N4BP1: variants seen among roughly 807,000 people sequenced by gnomAD.
The protein encoded by N4BP1 is NEDD4 binding protein 1.
N4BP1 carries 21 observed loss-of-function variants against 70.9 expected under a neutral mutation model. The observed-to-expected ratio is 0.30, with a 90% CI of 0.21 to 0.43. The LOEUF (loss-of-function observed/expected upper bound fraction) is 0.43. Ranked by LOEUF, N4BP1 falls within the 20% of genes least tolerant of loss-of-function variation. The probability of loss-of-function intolerance (pLI) is 1.00; values close to 1 mark genes in which losing one functional copy is unlikely to be tolerated. For synonymous variants in N4BP1, 387 were observed against 394.6 expected (o/e 0.98, Z 0.23); for missense variants, 936 against 1,069.4 (o/e 0.88, Z 1.74).
chr16:48,543,808 TG>T (rs1302115109), intron 6 of N4BP1, among the ~76,000 whole-genome samples: 4 of 152,170 alleles, frequency 2.6e-5, no homozygotes, highest in Admixed American at 2.6e-4. Flanking sequence ...GGACTCGGCC[TG>T]CAGGCGAGAA....
intron 1 of N4BP1, among the ~76,000 whole-genome samples, chr16:48,604,469 G>C (rs1188869886): frequency 6.6e-6 from 1 of 151,918 alleles, no homozygotes; most frequent in Non-Finnish European, 1.5e-5. Flanking sequence ...GATCGCTTGA[G>C]CCTGGGAGGC....
At chr16:48,607,124 T>C (rs559122890) in intron 1 of N4BP1, among the ~76,000 whole-genome samples, 1 of 152,168 alleles carries the variant, frequency 6.6e-6, no homozygotes, top group East Asian at 1.9e-4. Context: ...GAGTAATACA[T>C]ATCACAAAGA....
chr16:48,595,324 A>G (rs1322225835), intron 1 of N4BP1, among the ~76,000 whole-genome samples: 1 of 151,858 alleles, frequency 6.6e-6, no homozygotes, highest in Non-Finnish European at 1.5e-5. Context: ...TTAGCCAGGC[A>G]TGGTAGCGCA....
chr16:48,598,510 T>G (rs1022450739), intron 1 of N4BP1, among the ~76,000 whole-genome samples: 4 of 152,162 alleles, frequency 2.6e-5, no homozygotes, highest in Non-Finnish European at 5.9e-5. Flanking sequence ...GGGTGGTTAT[T>G]AAGATACGGC....
intron 1 of N4BP1, among the ~76,000 whole-genome samples, chr16:48,582,510 G>A (rs1244102530): frequency 6.6e-6 from 1 of 152,000 alleles, no homozygotes; most frequent in Non-Finnish European, 1.5e-5. Flanking sequence ...TTGGCAATTT[G>A]GACACGCCAA....
At chr16:48,553,822 G>A (rs1963710452) in intron 2 of N4BP1, among the ~76,000 whole-genome samples, 153 bp from the exon 3 acceptor site, 1 of 152,208 alleles carries the variant, frequency 6.6e-6, no homozygotes, top group African/African-American at 2.4e-5. Flanking sequence ...GTTGCACAAA[G>A]TTAGGATGGA....
At chr16:48,552,934 T>C (rs1963697172) in intron 3 of N4BP1, among the ~76,000 whole-genome samples, 1 of 152,110 alleles carries the variant, frequency 6.6e-6, no homozygotes, top group Non-Finnish European at 1.5e-5. Context: ...GCAAGTCCTG[T>C]ACTGACCCTC....
Position 48,542,824 on chromosome 16 carries a change from G to T in N4BP1, c.*80C>A. 8.1e-7 allele frequency: 1 copy of T among 1,232,682 alleles called. No homozygotes were observed. Among genetic ancestry groups the T allele is most frequent in the Non-Finnish European group, 1.1e-6 (1 of 885,130 alleles). 76.4% of individuals were successfully genotyped at this position (1,232,682 alleles called of 1,614,324 possible). A position where few individuals can be genotyped will look rare whatever the true frequency, so the allele number is the denominator to read the frequency against. On this transcript the variant is annotated 3_prime_UTR_variant, in exon 7 of 7. Transcript: ENST00000262384. ...TGGGAAATAAGTTTCTTCACATTAT[G>T]TTCATTCCCATCAGGTACAGGTGTG...
At chr16:48,581,739 G>A (rs539859835) in intron 1 of N4BP1, among the ~76,000 whole-genome samples, 31 of 152,168 alleles carry the variant, frequency 2.0e-4, no homozygotes, top group Middle Eastern at 6.8e-3. Context: ...ATTGGGAAAA[G>A]TATACAACCA....
At chr16:48,551,958 CAG>C (rs912692030) in intron 3 of N4BP1, among the ~76,000 whole-genome samples, 5 of 152,130 alleles carry the variant, frequency 3.3e-5, no homozygotes, top group African/African-American at 7.2e-5. Flanking sequence ...GCAGAGGTTG[CAG>C]AGAGCTGAGA....
chr16:48,559,211 A>G (rs1044466795), intron 2 of N4BP1, among the ~76,000 whole-genome samples: 2 of 152,184 alleles, frequency 1.3e-5, no homozygotes, highest in Non-Finnish European at 2.9e-5. Context: ...AATTTACAAA[A>G]CAAAAAATTA....
chr16:48,545,031 C>T (rs2151084435), intron 6 of N4BP1, among the ~76,000 whole-genome samples: 1 of 152,204 alleles, frequency 6.6e-6, no homozygotes, highest in East Asian at 2.0e-4. Context: ...GTGGCACGAT[C>T]TCGGCTCACT....
At chr16:48,549,043 A>G (rs532447763) in intron 4 of N4BP1, among the ~76,000 whole-genome samples, 2 of 152,322 alleles carry the variant, frequency 1.3e-5, no homozygotes, top group East Asian at 3.9e-4. Context: ...GACCCTCTTA[A>G]TAAGAAATCT....
rs1421983509 is a variant in N4BP1, at chr16:48,564,864, A to T, written c.199-2420T>A. On this transcript the variant is annotated intron_variant, in intron 1 of 6. Transcript: ENST00000262384. ...TTCATTAGCCTTTTGAGTTTTGAGA[A>T]TACAAATCCTGTACATGTTTTGCTA... 2.0e-5 allele frequency among the ~76,000 whole-genome samples: 3 copies of T among 152,228 alleles called. No homozygotes were observed. In the East Asian group the frequency reaches 5.8e-4, roughly 29 times the overall value.
At position 48,562,202 on chromosome 16, in the gene N4BP1, T is replaced by C; in HGVS notation, c.441A>G (p.Leu147=). 3.7e-6 allele frequency: 6 copies of C among 1,613,956 alleles called. No homozygotes were observed. Among genetic ancestry groups the C allele is most frequent in the Middle Eastern group, 1.6e-4 (1 of 6,062 alleles). ...FVKLFENKEN[L]PSSQKESEVK... ...CCTCTGATTCTTTCTGACTACTGGG[T>C]AGGTTCTCTTTATTTTCAAAGAGCT... Residue 147 remains leucine (L), a synonymous_variant, in exon 2 of 7, where the codon CTA becomes CTG. Transcript: ENST00000262384.
rs1218872672 is a variant in N4BP1 at position 48,604,613 on chromosome 16, AC to A, written c.198+5161del. Reference sequence around the variant, plus strand: ...AAAACAAAAAAAGGTAAAAAAAAAAACAAAAACAAAAACTAAATTAAAACAA... The same window carrying A: ...AAAACAAAAAAAGGTAAAAAAAAAAAAAAAACAAAAACTAAATTAAAACAA... On this transcript the variant is annotated intron_variant, in intron 1 of 6. Coordinates refer to ENST00000262384, the MANE Select transcript of N4BP1 (RefSeq NM_153029.4). 5.6e-5 allele frequency among the ~76,000 whole-genome samples: 8 copies of A among 143,418 alleles called. No individual in the cohort carries two copies. In the East Asian group the frequency reaches 5.8e-4, roughly 10 times the overall value. The allele number at this position is 143,418 out of a possible 152,430, so 94.1% of individuals were successfully genotyped here.
At chr16:48,543,832 GAA>G (rs887393034) in intron 6 of N4BP1, among the ~76,000 whole-genome samples, 1 of 152,190 alleles carries the variant, frequency 6.6e-6, no homozygotes. Flanking sequence ...GAGGCTAGCT[GAA>G]GTTTCCCCAA....
intron 1 of N4BP1, among the ~76,000 whole-genome samples, chr16:48,590,750 G>A (rs1258661706): frequency 6.6e-6 from 1 of 152,160 alleles, no homozygotes; most frequent in Non-Finnish European, 1.5e-5. Context: ...GAGTATCCTA[G>A]GCGCTGCCAC....
intron 1 of N4BP1, among the ~76,000 whole-genome samples, chr16:48,574,394 A>G (rs1964063853): frequency 6.6e-6 from 1 of 152,226 alleles, no homozygotes; most frequent in Admixed American, 6.5e-5. Flanking sequence ...ATTCATCCAC[A>G]AAACAAACAT....
Sources: gnomAD v4.1 joint callset for allele counts (sites outside exome capture counted in the v4.1 genomes callset) on GRCh38, gnomAD v4.1.1 for gene constraint, MANE v1.5 for transcripts, NCBI Gene and HGNC (gene_info 2026-07-23, HGNC 2026-07-21) for gene names.